DNAH7: variants seen among roughly 807,000 people sequenced by gnomAD.
DNAH7 encodes axonemal beta dynein heavy chain 7.
DNAH7 carries 397 observed loss-of-function variants against 444.6 expected under a neutral mutation model. The observed-to-expected ratio is 0.89, with a 90% CI of 0.82 to 0.97. The LOEUF (loss-of-function observed/expected upper bound fraction) is 0.97. DNAH7 is among the 50% of genes least tolerant of loss of function. The pLI, the probability that DNAH7 is intolerant of heterozygous loss-of-function variation, is 0.00. For missense variants in DNAH7, 4,902 were observed against 4,800.8 expected (o/e 1.02, Z -0.62); for synonymous variants, 1,636 against 1,624.4 (o/e 1.01, Z -0.17).
In DNAH7 at chr2:195,880,331, T is replaced by G. The variant is rs574056531; in HGVS notation, c.5961+1464A>C. On this transcript the variant is annotated intron_variant, in intron 36 of 64. Transcript: ENST00000312428. ...TTGCAATCTTCTTTCTTTCTTTTTC[T>G]TTTTTTTTTTTTTTTGAGACGGAGT... Among the ~76,000 whole-genome samples, 8 of 105,696 alleles carry G rather than the reference T, an allele frequency of 7.6e-5. No individual in the cohort carries two copies. In the East Asian group the frequency reaches 1.4e-3, roughly 19 times the overall value. 69.3% of individuals were successfully genotyped at this position (105,696 alleles called of 152,430 possible).
In DNAH7 at chr2:195,960,407, A is replaced by T. The variant is rs769515795; in HGVS notation, c.2744T>A (p.Val915Glu). The stretch of plus-strand genomic sequence containing the variant: ...TCTATAAGAATGGATGACAAATTCC[A>T]CTGCATCCCACTCAGTAATCATCTT... The part of the protein sequence containing the change: ...MEKMITEWDA[V>E]EFVIHSYRET... Residue 915 changes from valine (V) to glutamate (E), a missense_variant, in exon 18 of 65, where the codon GTG (valine) becomes GAG (glutamate). Transcript: ENST00000312428. 5.0e-6 allele frequency: 8 copies of T among 1,614,198 alleles called. No individual in the cohort carries two copies. In the East Asian group the frequency reaches 1.8e-4, roughly 36 times the overall value.
At chr2:195,967,659 T>C (rs1691572237) in intron 17 of DNAH7, among the ~76,000 whole-genome samples, 1 of 152,228 alleles carries the variant, frequency 6.6e-6, no homozygotes. Context: ...GCACTTTAAA[T>C]ATGTCATGCC....
At chr2:195,876,748 C>A in intron 36 of DNAH7, 49 bp from the exon 37 acceptor site, 1 of 1,335,164 alleles carries the variant, frequency 7.5e-7, no homozygotes. Flanking sequence ...TATGTTTTGA[C>A]ATTTCAGAAT....
At chr2:195,841,214 C>T (rs1037966830) in intron 47 of DNAH7, among the ~76,000 whole-genome samples, 1 of 151,294 alleles carries the variant, frequency 6.6e-6, no homozygotes, top group African/African-American at 2.4e-5. Context: ...TGTATATTTT[C>T]TCTCTCTTTC....
intron 63 of DNAH7, among the ~76,000 whole-genome samples, chr2:195,753,448 T>A (rs1028871992): frequency 1.3e-5 from 2 of 152,200 alleles, no homozygotes; most frequent in Admixed American, 6.5e-5. Context: ...TATCTACTTG[T>A]TAGTGTCTCC....
chr2:195,960,086 A>G (rs1296461634), intron 18 of DNAH7, among the ~76,000 whole-genome samples, 174 bp downstream of exon 18: 1 of 152,206 alleles, frequency 6.6e-6, no homozygotes, highest in East Asian at 1.9e-4. Flanking sequence ...ATATTTAAAG[A>G]CCTTAAATAT....
chr2:195,971,567 C>G (rs1188000093), intron 16 of DNAH7, among the ~76,000 whole-genome samples: 2 of 152,030 alleles, frequency 1.3e-5, no homozygotes, highest in East Asian at 3.8e-4. Flanking sequence ...ATAGAGTGTG[C>G]TAGATGAACA....
Position 195,740,783 on chromosome 2 carries a change from A to G in DNAH7, c.11851T>C (p.Tyr3951His). 1 of 1,545,266 alleles carries G rather than the reference A, an allele frequency of 6.5e-7. No individual in the cohort carries two copies. Among genetic ancestry groups the G allele is most frequent in the South Asian group, 1.3e-5 (1 of 76,758 alleles). The change falls in exon 64 of 65, where the codon TAT becomes CAT. Residue 3951 changes from tyrosine to histidine, a missense_variant. Transcript: ENST00000312428. ...TTACTAACCACAGGCACTGTATCATAAAGAATTTTGGGATGCGATTCTGCA... is the reference window on the plus strand; with the variant it reads ...TTACTAACCACAGGCACTGTATCATGAAGAATTTTGGGATGCGATTCTGCA... ...KLAESHPKILYDTVPVMWLKP... is the reference protein window; with the variant it reads ...KLAESHPKILHDTVPVMWLKP...
At chr2:195,884,050 T>C (rs1574660403) in intron 35 of DNAH7, among the ~76,000 whole-genome samples, 1 of 152,206 alleles carries the variant, frequency 6.6e-6, no homozygotes, top group Admixed American at 6.5e-5. Flanking sequence ...ATCCCAATTG[T>C]ACTTAAATCT....
chr2:195,869,497 G>A (rs919115005), intron 40 of DNAH7, among the ~76,000 whole-genome samples: 2 of 152,080 alleles, frequency 1.3e-5, no homozygotes, highest in African/African-American at 2.4e-5. Context: ...CATGTTGGAC[G>A]TTGGAAAATA....
intron 41 of DNAH7, among the ~76,000 whole-genome samples, chr2:195,863,655 C>T (rs879713484): frequency 6.6e-6 from 1 of 152,176 alleles, no homozygotes; most frequent in Admixed American, 6.5e-5. Flanking sequence ...CCCTTCCTTT[C>T]CAGCCGTAGC....
At chr2:195,760,182 G>A (rs1382538597) in intron 61 of DNAH7, among the ~76,000 whole-genome samples, 1 of 151,888 alleles carries the variant, frequency 6.6e-6, no homozygotes, top group African/African-American at 2.4e-5. Context: ...CCTGTGGAAA[G>A]GGGAAAGAAG....
chr2:196,048,568 T>A (rs749406661), intron 3 of DNAH7, among the ~76,000 whole-genome samples, 164 bp from the exon 4 acceptor site: 1 of 152,230 alleles, frequency 6.6e-6, no homozygotes, highest in Admixed American at 6.5e-5. Context: ...TGAATGGTCA[T>A]GGTGTGCACC....
chr2:196,063,551 T>C (rs1225519547), intron 1 of DNAH7: 2 of 152,232 alleles, frequency 1.3e-5, no homozygotes, highest in Non-Finnish European at 2.9e-5. Context: ...CTCTCCATGG[T>C]CTTTCAAAAT....
Position 195,864,793 on chromosome 2 carries a change from C to T in DNAH7, c.6862G>A (p.Asp2288Asn). 1 of 1,614,220 alleles carries T rather than the reference C, an allele frequency of 6.2e-7. No individual in the cohort carries two copies. The highest frequency in any genetic ancestry group is 8.5e-7 in the Non-Finnish European group (1 of 1,180,032). Residue 2288 changes from aspartate (D) to asparagine (N), a missense_variant, in exon 41 of 65, where the codon GAT (aspartate) becomes AAT (asparagine). By Grantham distance (23) the Asp-to-Asn change is conservative. Coordinates refer to ENST00000312428, the MANE Select transcript of DNAH7 (RefSeq NM_018897.3). ...REDTNYREIA[D>N]VDNLRMIVEI... The stretch of plus-strand genomic sequence containing the variant: ...ACTATCATTCGAAGATTATCCACAT[C>T]TGCGATTTCTCTGTAGTTGGTATCC...
chr2:195,843,578 T>C (rs1698810564), intron 47 of DNAH7, among the ~76,000 whole-genome samples: 1 of 152,214 alleles, frequency 6.6e-6, no homozygotes, highest in Non-Finnish European at 1.5e-5. Context: ...GGCCCAGCTA[T>C]AGGAATTAGC....
At chr2:195,748,285 G>A (rs1693553405) in intron 63 of DNAH7, among the ~76,000 whole-genome samples, 1 of 152,196 alleles carries the variant, frequency 6.6e-6, no homozygotes, top group African/African-American at 2.4e-5. Context: ...CAAGGGACGT[G>A]AAGGACCTCT....
chr2:195,951,000 G>A (rs1363370560), intron 19 of DNAH7, among the ~76,000 whole-genome samples: 1 of 151,300 alleles, frequency 6.6e-6, no homozygotes, highest in Non-Finnish European at 1.5e-5. Flanking sequence ...TTTGCTCTTG[G>A]TTCTCTAGTT....
chr2:196,027,637 C>A (rs1220466505), intron 6 of DNAH7, among the ~76,000 whole-genome samples: 2 of 151,702 alleles, frequency 1.3e-5, no homozygotes, highest in African/African-American at 4.8e-5. Flanking sequence ...CGTTAATATG[C>A]CTTGTAAAAT....
Sources: allele counts gnomAD v4.1 joint callset (sites outside exome capture counted in the v4.1 genomes callset), GRCh38; gene constraint gnomAD v4.1.1; transcripts MANE v1.5; gene names NCBI Gene and HGNC (gene_info 2026-07-23, HGNC 2026-07-21).